The following NKAIN2 variants were observed in gnomAD, a reference collection of about 807,000 sequenced individuals.
NKAIN2 encodes the protein sodium/potassium-transporting ATPase subunit beta-1-interacting protein 2.
In NKAIN2, 14 loss-of-function variants were observed where a neutral mutation model predicts 32.6. The ratio of observed to expected loss-of-function variants is 0.43; its 90% CI spans 0.28 to 0.67. The LOEUF is 0.67. Among genes scored for constraint, NKAIN2 ranks in the 30% least tolerant of loss-of-function variants. The pLI, the probability that NKAIN2 is intolerant of heterozygous loss-of-function variation, is 0.17. For synonymous variants in NKAIN2, 80 were observed against 87.2 expected (o/e 0.92, Z 0.46); for missense variants, 198 against 258.3 (o/e 0.77, Z 1.60).
intron 3 of NKAIN2, among the ~76,000 whole-genome samples, chr6:124,409,438 T>G (rs1186779762): frequency 1.3e-5 from 2 of 152,176 alleles, no homozygotes; most frequent in Non-Finnish European, 2.9e-5. Context: ...CTTTTCTGCA[T>G]CTATTGAGAT....
intron 3 of NKAIN2, among the ~76,000 whole-genome samples, chr6:124,583,169 CAAGTT>C (rs1035643470): frequency 2.3e-4 from 33 of 146,660 alleles, no homozygotes; most frequent in African/African-American, 7.3e-4. Context: ...AGGAAGAAGT[CAAGTT>C]ATCTTTGTTT....
At chr6:123,858,098 C>T (rs887484960) in intron 1 of NKAIN2, among the ~76,000 whole-genome samples, 12 of 151,986 alleles carry the variant, frequency 7.9e-5, no homozygotes, top group African/African-American at 2.9e-4. Flanking sequence ...GTGGAACTAT[C>T]CTTCCTAACA....
intron 5 of NKAIN2, among the ~76,000 whole-genome samples, chr6:124,813,367 A>G (rs1344382937): frequency 6.6e-6 from 1 of 152,176 alleles, no homozygotes; most frequent in Admixed American, 6.5e-5. Context: ...AATTTTCTAG[A>G]AAGAACAGAG....
intron 1 of NKAIN2, among the ~76,000 whole-genome samples, chr6:124,098,138 T>C (rs1784721506): frequency 6.6e-6 from 1 of 152,170 alleles, no homozygotes; most frequent in Non-Finnish European, 1.5e-5. Flanking sequence ...AGATTATGCA[T>C]CCTTAAAAAG....
chr6:124,658,482 T>C, intron 4 of NKAIN2, 96 bp downstream of exon 4: 2 of 1,577,202 alleles, frequency 1.3e-6, no homozygotes, highest in Non-Finnish European at 1.7e-6. Context: ...GTGGGTAAAG[T>C]GTGGCCTTTT....
intron 3 of NKAIN2, among the ~76,000 whole-genome samples, chr6:124,556,885 C>A (rs1359312688): frequency 1.3e-5 from 2 of 152,042 alleles, no homozygotes; most frequent in Non-Finnish European, 2.9e-5. Context: ...AAGAACATTT[C>A]CATTTTAAGA....
At chr6:124,121,834 C>A in intron 1 of NKAIN2, 1 of 698,542 alleles carries the variant, frequency 1.4e-6, no homozygotes, top group Non-Finnish European at 2.0e-6. Context: ...TTAAATGGGT[C>A]ACCCTCTAAT....
chr6:124,687,327 T>G (rs1304337526), intron 4 of NKAIN2, among the ~76,000 whole-genome samples: 1 of 141,114 alleles, frequency 7.1e-6, no homozygotes, highest in Non-Finnish European at 1.5e-5. Flanking sequence ...GTAATATATA[T>G]ATTCCATACA....
chr6:124,185,746 A>G (rs1789686387), intron 1 of NKAIN2, among the ~76,000 whole-genome samples: 1 of 152,126 alleles, frequency 6.6e-6, no homozygotes, highest in South Asian at 2.1e-4. Context: ...TCTTCTTTTT[A>G]TGGTTAAACA....
chr6:124,007,072 T>C (rs1356486019), intron 1 of NKAIN2, among the ~76,000 whole-genome samples: 2 of 152,182 alleles, frequency 1.3e-5, no homozygotes, highest in African/African-American at 2.4e-5. Context: ...AATTGCCTAC[T>C]ACACACCTAG....
rs17052188 is a variant in NKAIN2 at position 124,627,927 on chromosome 6, T to C, written c.274-30259T>C. Among the ~76,000 whole-genome samples the C allele has an allele frequency of 2.1e-3, 325 of 152,266 alleles. 1 individual carries two copies. Among genetic ancestry groups the C allele is most frequent in the Non-Finnish European group, 3.6e-3 (247 of 68,018 alleles). ...TCACATACACTCTCATGTACACTCA[T>C]CTGTTCACACACATTCACATAACCA... On this transcript the variant is annotated intron_variant, in intron 3 of 6. Coordinates refer to ENST00000368417, the MANE Select transcript of NKAIN2 (RefSeq NM_001040214.3).
chr6:123,897,575 T>C (rs1163787661), intron 1 of NKAIN2, among the ~76,000 whole-genome samples: 1 of 152,146 alleles, frequency 6.6e-6, no homozygotes, highest in Non-Finnish European at 1.5e-5. Flanking sequence ...TGAGATGCAG[T>C]GTGCACTGGG....
At chr6:124,671,952 G>C (rs961114202) in intron 4 of NKAIN2, among the ~76,000 whole-genome samples, 1 of 151,720 alleles carries the variant, frequency 6.6e-6, no homozygotes. Flanking sequence ...TTTAATATTA[G>C]ATTGGCCACC....
In NKAIN2 at chr6:124,033,809, C is replaced by G. The variant is rs577304525; in HGVS notation, c.54+229555C>G. Among the ~76,000 whole-genome samples, 8 of 152,160 alleles carry G rather than the reference C, an allele frequency of 5.3e-5. No individual in the cohort carries two copies. The South Asian group carries it at 1.7e-3, about 32-fold the overall frequency. ...GCTTAATATTGCTACTTTTGATTTT[C>G]TAATTGCTGATCTAGAATTTCTAAT... On this transcript the variant is annotated intron_variant, in intron 1 of 6. Coordinates refer to ENST00000368417, the MANE Select transcript of NKAIN2 (RefSeq NM_001040214.3).
At chr6:124,554,326 C>T (rs1780396777) in intron 3 of NKAIN2, among the ~76,000 whole-genome samples, 1 of 152,172 alleles carries the variant, frequency 6.6e-6, no homozygotes, top group Non-Finnish European at 1.5e-5. Flanking sequence ...GGACTGTTCT[C>T]CCGGTGTGAA....
At chr6:124,308,579 A>G (rs1016814489) in intron 2 of NKAIN2, among the ~76,000 whole-genome samples, 1 of 152,212 alleles carries the variant, frequency 6.6e-6, no homozygotes, top group African/African-American at 2.4e-5. Context: ...AGATTGAAGT[A>G]AAAGATGAAG....
intron 2 of NKAIN2, among the ~76,000 whole-genome samples, chr6:124,353,579 C>A (rs1310838938): frequency 6.6e-6 from 1 of 151,936 alleles, no homozygotes; most frequent in African/African-American, 2.4e-5. Flanking sequence ...ACGGTGAAAC[C>A]CCGTCTCTAC....
intron 1 of NKAIN2, among the ~76,000 whole-genome samples, chr6:124,263,923 G>A (rs1390885489): frequency 6.6e-6 from 1 of 152,104 alleles, no homozygotes; most frequent in Admixed American, 6.6e-5. Context: ...TGCAAACTAT[G>A]GAAAATGGCA....
chr6:124,286,923 C>T (rs1203120192), intron 2 of NKAIN2, among the ~76,000 whole-genome samples: 2 of 152,086 alleles, frequency 1.3e-5, no homozygotes, highest in Admixed American at 1.3e-4. Context: ...ACCTCATGAT[C>T]CGCCCACCTT....
Sources: allele counts gnomAD v4.1 joint callset (sites outside exome capture counted in the v4.1 genomes callset), GRCh38; gene constraint gnomAD v4.1.1; transcripts MANE v1.5; gene names NCBI Gene and HGNC (gene_info 2026-07-23, HGNC 2026-07-21).